Variants in CNTNAP5 observed in about 807,000 individuals in gnomAD.
CNTNAP5 encodes the protein contactin associated protein family member 5.
Under a neutral mutation model 150.2 loss-of-function variants are expected in CNTNAP5, and 72 were observed. The ratio of observed to expected loss-of-function variants is 0.48; its 90% confidence interval spans 0.40 to 0.58. The LOEUF is 0.58. CNTNAP5 is among the 20% of genes least tolerant of loss of function. CNTNAP5 has a pLI of 0.00. For missense variants in CNTNAP5, 1,636 were observed against 1,626.2 expected, an observed-to-expected ratio of 1.01 and a Z score of -0.10; for synonymous variants, 672 against 619.8, an observed-to-expected ratio of 1.08 and a Z score of -1.25.
At chr2:124,145,832 G>GAAAAAA (rs1164454367) in intron 1 of CNTNAP5, among the ~76,000 whole-genome samples, 20 of 34,176 alleles carry the variant, frequency 5.9e-4, no homozygotes, top group East Asian at 1.8e-3. Context: ...AAAAAAAGAA[G>GAAAAAA]AAAAAAAAAA....
intron 3 of CNTNAP5, among the ~76,000 whole-genome samples, chr2:124,298,176 A>G (rs1688487947): frequency 6.6e-6 from 1 of 151,992 alleles, no homozygotes; most frequent in Non-Finnish European, 1.5e-5. Flanking sequence ...CTTTTATTTT[A>G]AGTTCAGGGA....
intron 19 of CNTNAP5, among the ~76,000 whole-genome samples, chr2:124,838,393 C>T (rs1323988124): frequency 6.6e-6 from 1 of 152,110 alleles, no homozygotes; most frequent in Non-Finnish European, 1.5e-5. Context: ...TCTCAAAAAA[C>T]ATGTTGATGG....
chr2:124,466,612 T>C (rs897598584), intron 6 of CNTNAP5, among the ~76,000 whole-genome samples: 7 of 152,172 alleles, frequency 4.6e-5, no homozygotes, highest in African/African-American at 1.7e-4. Flanking sequence ...TTCTAAGAGT[T>C]GGTAACAGAA....
rs991290830 is a variant in CNTNAP5, at chr2:124,568,856, T to C, written c.1756+5533T>C. On this transcript the variant is annotated intron_variant, in intron 11 of 23. Coordinates refer to ENST00000682447, the MANE Select transcript of CNTNAP5 (RefSeq NM_001367498.1). Reference sequence around the variant, plus strand: ...GTCAGGAGATCGAGACTATCCTGGCTAACACGGTGAAACCCCGTCTCTACT... The same window carrying C: ...GTCAGGAGATCGAGACTATCCTGGCCAACACGGTGAAACCCCGTCTCTACT... 9.9e-5 allele frequency among the ~76,000 whole-genome samples: 15 copies of C among 152,180 alleles called. No homozygotes were observed. In the East Asian group the frequency reaches 2.3e-3, roughly 24 times the overall value.
chr2:124,459,023 C>G (rs1693187267), intron 6 of CNTNAP5, among the ~76,000 whole-genome samples: 1 of 152,206 alleles, frequency 6.6e-6, no homozygotes. Flanking sequence ...AACAAATGCT[C>G]TTCAACCCAA....
chr2:124,605,124 C>A (rs1459989387), intron 11 of CNTNAP5, among the ~76,000 whole-genome samples: 1 of 152,152 alleles, frequency 6.6e-6, no homozygotes, highest in African/African-American at 2.4e-5. Flanking sequence ...GTGTGAGAGG[C>A]CACGTGGGCC....
At chr2:124,829,609 A>C (rs2104679396) in intron 19 of CNTNAP5, among the ~76,000 whole-genome samples, 1 of 152,240 alleles carries the variant, frequency 6.6e-6, no homozygotes, top group East Asian at 1.9e-4. Context: ...TAAAAAAAAA[A>C]ATTGATAATC....
At chr2:124,465,477 T>A (rs1406328396) in intron 6 of CNTNAP5, among the ~76,000 whole-genome samples, 1 of 152,096 alleles carries the variant, frequency 6.6e-6, no homozygotes, top group Non-Finnish European at 1.5e-5. Flanking sequence ...GAGACCGAAT[T>A]GCCAAAAAAG....
At chr2:124,876,513 T>C (rs1255865510) in intron 21 of CNTNAP5, among the ~76,000 whole-genome samples, 1 of 151,742 alleles carries the variant, frequency 6.6e-6, no homozygotes, top group Non-Finnish European at 1.5e-5. Flanking sequence ...TTGTGGCTCA[T>C]TTGGGGAAAG....
intron 16 of CNTNAP5, among the ~76,000 whole-genome samples, chr2:124,767,103 T>C (rs2104604493): frequency 6.6e-6 from 1 of 152,304 alleles, no homozygotes; most frequent in Non-Finnish European, 1.5e-5. Context: ...CCTAAAGGGT[T>C]CATGGCAAGA....
chr2:124,440,689 G>A (rs1380657479), intron 5 of CNTNAP5, among the ~76,000 whole-genome samples: 1 of 152,044 alleles, frequency 6.6e-6, no homozygotes, highest in Non-Finnish European at 1.5e-5. Context: ...GCCTTGGGTA[G>A]TATATATCTT....
At position 124,707,018 on chromosome 2, in the gene CNTNAP5, G is replaced by GAGAAGA. The variant is rs200269843; in HGVS notation, c.2078-40193_2078-40188dup. ...GAAGAGGAAGAAGAAGGAGGAGGAG[G>GAGAAGA]AGAAGAAGAAGAAGAAGAAGAAGGA... On this transcript the variant is annotated intron_variant, in intron 13 of 23. Transcript: ENST00000682447. Among the ~76,000 whole-genome samples the GAGAAGA allele has an allele frequency of 6.3e-3, 466 of 74,286 alleles. 22 individuals are homozygous for GAGAAGA. Among genetic ancestry groups the GAGAAGA allele is most frequent in the African/African-American group, 0.016 (281 of 17,726 alleles). The allele number at this position is 74,286 out of a possible 152,430, so 48.7% of individuals were successfully genotyped here.
chr2:124,072,984 C>G (rs549793789), intron 1 of CNTNAP5, among the ~76,000 whole-genome samples: 1 of 151,980 alleles, frequency 6.6e-6, no homozygotes, highest in African/African-American at 2.4e-5. Context: ...TAACCAAAAC[C>G]AGCATGGTAC....
At chr2:124,433,770 T>C (rs988059309) in intron 4 of CNTNAP5, among the ~76,000 whole-genome samples, 7 of 152,206 alleles carry the variant, frequency 4.6e-5, no homozygotes, top group African/African-American at 1.7e-4. Context: ...ATTTTTGGCA[T>C]AATTTGTCAG....
rs1480968427 is a variant in CNTNAP5 at position 124,835,082 on chromosome 2, CT to C, written c.3218-30220del. Among the ~76,000 whole-genome samples the C allele has an allele frequency of 2.0e-5, 3 of 152,030 alleles. No homozygotes were observed. In the East Asian group the frequency reaches 5.8e-4, roughly 29 times the overall value. On this transcript the variant is annotated intron_variant, in intron 19 of 23. Transcript: ENST00000682447. ...AAACAGGGATCATAATTAATAATGACTTTTATCTAACTACCAATAGATACTT... is the reference window on the plus strand; with the variant it reads ...AAACAGGGATCATAATTAATAATGACTTTATCTAACTACCAATAGATACTT...
intron 10 of CNTNAP5, among the ~76,000 whole-genome samples, chr2:124,557,462 A>T (rs897193181): frequency 6.6e-6 from 1 of 152,208 alleles, no homozygotes; most frequent in Non-Finnish European, 1.5e-5. Flanking sequence ...GAAGAGGCTT[A>T]GCTAACAGAG....
chr2:124,560,326 G>A (rs10198110), intron 10 of CNTNAP5, among the ~76,000 whole-genome samples: 2,539 of 152,080 alleles, frequency 0.017, 67 homozygotes, highest in African/African-American at 0.058. Context: ...TGGCCAACCC[G>A]TAGTAGAGAT....
At chr2:124,811,548 G>A (rs913935865) in intron 19 of CNTNAP5, among the ~76,000 whole-genome samples, 2 of 152,162 alleles carry the variant, frequency 1.3e-5, no homozygotes, top group Non-Finnish European at 2.9e-5. Flanking sequence ...AGATGACTAT[G>A]TGGACAGTGG....
At chr2:124,081,743 A>T (rs1682561959) in intron 1 of CNTNAP5, among the ~76,000 whole-genome samples, 1 of 152,126 alleles carries the variant, frequency 6.6e-6, no homozygotes. Context: ...CAAAGGATCC[A>T]CTCATTCCTT....
Sources: gnomAD v4.1 joint callset for allele counts (sites outside exome capture counted in the v4.1 genomes callset) on GRCh38, gnomAD v4.1.1 for gene constraint, MANE v1.5 for transcripts, NCBI Gene and HGNC (gene_info 2026-07-23, HGNC 2026-07-21) for gene names.